The following FNDC3B variants were observed in gnomAD, a reference collection of about 807,000 sequenced individuals.
The protein encoded by FNDC3B is fibronectin type III domain containing 3B.
A neutral mutation model predicts 151.5 loss-of-function variants in FNDC3B; 12 were observed. The observed-to-expected ratio is 0.08, with a 90% CI of 0.05 to 0.13. The LOEUF is 0.13. Ranked by LOEUF, FNDC3B falls within the 10% of genes least tolerant of loss-of-function variation. The pLI is 1.00. For missense variants in FNDC3B, 1,214 were observed against 1,505.3 expected (o/e 0.81, Z 3.20); for synonymous variants, 528 against 549.0 (o/e 0.96, Z 0.54).
Position 172,344,154 on chromosome 3 carries a change from G to A in FNDC3B, c.2146G>A (p.Val716Ile), listed in dbSNP as rs371384228. 100 of 1,614,000 alleles carry A rather than the reference G, an allele frequency of 6.2e-5. No homozygotes were observed. Among genetic ancestry groups the A allele is most frequent in the African/African-American group, 5.2e-4 (39 of 74,922 alleles). The change falls in exon 19 of 26, where the codon GTA becomes ATA. Residue 716 changes from valine (V) to isoleucine (I), a missense_variant. Physicochemically the swap from Val to Ile is conservative, Grantham distance 29. Around this residue, in one of 7 missense-constraint regions of FNDC3B, gnomAD observed 380 missense variants for 420.9 expected, o/e 0.90. Transcript: ENST00000415807. ...YSVEMTEPED[V>I]ASEVYHGPEL... ...CGTGGAGATGACGGAGCCCGAAGACGTAGCCTCGGAAGTGTACCATGGCCC... is the reference window on the plus strand; with the variant it reads ...CGTGGAGATGACGGAGCCCGAAGACATAGCCTCGGAAGTGTACCATGGCCC...
rs1422642427 is a variant in FNDC3B at position 172,362,621 on chromosome 3, T to C, written c.2796-12T>C. The stretch of plus-strand genomic sequence containing the variant: ...ACCTGCATTGTCTGTATTTTTTTTT[T>C]CCTTTCTCTAGGATCAGAATTCAGG... On this transcript the variant is annotated splice_polypyrimidine_tract_variant and intron_variant, in intron 22 of 25. Coordinates refer to ENST00000415807, the MANE Select transcript of FNDC3B (RefSeq NM_022763.4). 3.1e-6 allele frequency: 5 copies of C among 1,600,766 alleles called. No homozygotes were observed. The highest frequency in any genetic ancestry group is 2.2e-5 in the East Asian group (1 of 44,840).
intron 20 of FNDC3B, 29 bp from the exon 21 acceptor site, chr3:172,347,183 A>G (rs777071577): frequency 6.3e-7 from 1 of 1,594,502 alleles, no homozygotes; most frequent in South Asian, 1.1e-5. Context: ...CAGTGGCATT[A>G]TTAACTACTT....
At chr3:172,120,027 A>G (rs1720457005) in intron 2 of FNDC3B, among the ~76,000 whole-genome samples, 1 of 152,194 alleles carries the variant, frequency 6.6e-6, no homozygotes, top group Non-Finnish European at 1.5e-5. Flanking sequence ...AGCTTCCAAA[A>G]AGGCATAGCC....
intron 14 of FNDC3B, 100 bp downstream of exon 14, chr3:172,333,275 G>A: frequency 2.6e-6 from 2 of 782,026 alleles, no homozygotes; most frequent in Non-Finnish European, 4.5e-6. Flanking sequence ...AAAAAATGAA[G>A]TTCACAGCAC....
chr3:172,165,727 C>G (rs1015301581), intron 3 of FNDC3B, among the ~76,000 whole-genome samples: 1 of 152,144 alleles, frequency 6.6e-6, no homozygotes, highest in African/African-American at 2.4e-5. Flanking sequence ...ATTATATAAA[C>G]CATCTCAGAA....
chr3:172,221,721 G>T (rs568105157), intron 3 of FNDC3B, among the ~76,000 whole-genome samples: 5 of 152,114 alleles, frequency 3.3e-5, no homozygotes, highest in African/African-American at 1.2e-4. Flanking sequence ...GCTAACCAAA[G>T]TGCCTACATT....
chr3:172,216,870 T>C (rs1184008999), intron 3 of FNDC3B, among the ~76,000 whole-genome samples: 1 of 152,136 alleles, frequency 6.6e-6, no homozygotes, highest in Non-Finnish European at 1.5e-5. Context: ...AAAGATAATT[T>C]CTTGGACCTT....
rs1734417168 is a variant in FNDC3B, at chr3:172,362,498, T to C, written c.2796-135T>C. On this transcript the variant is annotated intron_variant, in intron 22 of 25. Coordinates refer to ENST00000415807, the MANE Select transcript of FNDC3B (RefSeq NM_022763.4). Reference sequence around the variant, plus strand: ...CGTGCTTCTATTTGTCTTGAGTTACTTTAACTTGTTTTTCTTCATTCTATG... The same window carrying C: ...CGTGCTTCTATTTGTCTTGAGTTACCTTAACTTGTTTTTCTTCATTCTATG... 4 of 706,752 alleles carry C rather than the reference T, an allele frequency of 5.7e-6. No individual in the cohort carries two copies. In the Admixed American group the frequency reaches 7.9e-5, roughly 14 times the overall value. 43.8% of individuals were successfully genotyped at this position (706,752 alleles called of 1,614,324 possible). A position where few individuals can be genotyped will look rare whatever the true frequency, so the allele number is the denominator to read the frequency against.
At chr3:172,190,367 G>A (rs1195251037) in intron 3 of FNDC3B, among the ~76,000 whole-genome samples, 1 of 152,190 alleles carries the variant, frequency 6.6e-6, no homozygotes, top group Non-Finnish European at 1.5e-5. Context: ...GGTTGCAGAT[G>A]ACTCAACAGC....
At chr3:172,166,984 C>A (rs771679717) in intron 3 of FNDC3B, among the ~76,000 whole-genome samples, 6 of 152,092 alleles carry the variant, frequency 3.9e-5, no homozygotes, top group Non-Finnish European at 5.9e-5. Flanking sequence ...TTCTTTATGC[C>A]GTTTACATTG....
chr3:172,245,549 A>AG (rs1378844668), intron 4 of FNDC3B, among the ~76,000 whole-genome samples: 1 of 152,198 alleles, frequency 6.6e-6, no homozygotes, highest in African/African-American at 2.4e-5. Context: ...TAGGAAAAAA[A>AG]TCATGATGTA....
chr3:172,380,953 A>T lies in FNDC3B; in HGVS notation c.3176-13A>T. On this transcript the variant is annotated splice_polypyrimidine_tract_variant and intron_variant, in intron 24 of 25. Coordinates refer to ENST00000415807, the MANE Select transcript of FNDC3B (RefSeq NM_022763.4). Reference sequence around the variant, plus strand: ...TTGAATTTTGAGCTTGGATGTGTGGATTTGTATTTCAGCACCTCGAGTAAC... The same window carrying T: ...TTGAATTTTGAGCTTGGATGTGTGGTTTTGTATTTCAGCACCTCGAGTAAC... 1 of 1,612,258 alleles carries T rather than the reference A, an allele frequency of 6.2e-7. No individual in the cohort carries two copies. The highest frequency in any genetic ancestry group is 8.5e-7 in the Non-Finnish European group (1 of 1,178,744).
chr3:172,378,256 G>T lies in FNDC3B; in HGVS notation c.3009-14G>T. 1 of 1,564,444 alleles carries T rather than the reference G, an allele frequency of 6.4e-7. No homozygotes were observed. Among genetic ancestry groups the T allele is most frequent in the Non-Finnish European group, 8.6e-7 (1 of 1,159,128 alleles). On this transcript the variant is annotated splice_polypyrimidine_tract_variant and intron_variant, in intron 23 of 25. Coordinates refer to ENST00000415807, the MANE Select transcript of FNDC3B (RefSeq NM_022763.4). ...GACGTTCAGATGGCTAATTGATTCT[G>T]CTCCTTCTTCTAGGTTTATTTCAAT...
At chr3:172,204,264 C>A (rs937846086) in intron 3 of FNDC3B, among the ~76,000 whole-genome samples, 1 of 152,078 alleles carries the variant, frequency 6.6e-6, no homozygotes, top group East Asian at 1.9e-4. Flanking sequence ...AAGCATGCAC[C>A]GGAGACGCTT....
chr3:172,205,711 T>A (rs1276619832), intron 3 of FNDC3B, among the ~76,000 whole-genome samples: 1 of 152,256 alleles, frequency 6.6e-6, no homozygotes, highest in Non-Finnish European at 1.5e-5. Flanking sequence ...TTTGGAAAAG[T>A]GTCTGAAGGT....
intron 3 of FNDC3B, among the ~76,000 whole-genome samples, chr3:172,191,489 T>G (rs1724504563): frequency 6.6e-6 from 1 of 152,072 alleles, no homozygotes. Flanking sequence ...GGATCTAGGT[T>G]TCAAATTCAT....
rs9831880 is a variant in FNDC3B at position 172,053,263 on chromosome 3, G to A, written c.-29+13492G>A. Reference sequence around the variant, plus strand: ...TATTGAGTGAATCAAAGATGAGAAGGCATACTCAAAAACATTAAAAAACTT... The same window carrying A: ...TATTGAGTGAATCAAAGATGAGAAGACATACTCAAAAACATTAAAAAACTT... On this transcript the variant is annotated intron_variant, in intron 1 of 25. Coordinates refer to ENST00000415807, the MANE Select transcript of FNDC3B (RefSeq NM_022763.4). Among the ~76,000 whole-genome samples the A allele has an allele frequency of 1.1e-3, 163 of 152,196 alleles. 2 individuals carry two copies. The highest frequency in any genetic ancestry group is 3.6e-3 in the African/African-American group (151 of 41,516).
intron 15 of FNDC3B, chr3:172,335,311 T>G: frequency 2.6e-6 from 1 of 390,158 alleles, no homozygotes; most frequent in East Asian, 4.5e-5. Context: ...TAGTGGAAAT[T>G]AAAATGGATG....
chr3:172,113,614 T>A (rs1352507522), intron 2 of FNDC3B, among the ~76,000 whole-genome samples: 1 of 152,204 alleles, frequency 6.6e-6, no homozygotes, highest in Non-Finnish European at 1.5e-5. Context: ...CTGATGCAGA[T>A]AACTCCCTTC....
Sources: allele counts gnomAD v4.1 joint callset (sites outside exome capture counted in the v4.1 genomes callset), GRCh38; gene constraint gnomAD v4.1.1; regional missense constraint gnomAD v4.1.1; transcripts MANE v1.5; gene names NCBI Gene and HGNC (gene_info 2026-07-23, HGNC 2026-07-21).